The following RGS7 variants were observed in gnomAD, a reference collection of about 807,000 sequenced individuals.
RGS7 encodes regulator of G-protein signaling 7.
In RGS7, 27 loss-of-function variants were observed where a neutral mutation model predicts 81.1. That is an observed-to-expected ratio of 0.33 (90% CI 0.25 to 0.46). The LOEUF is 0.46. Among genes scored for constraint, RGS7 ranks in the 20% least tolerant of loss-of-function variants. The pLI is 1.00. For synonymous variants in RGS7, 208 were observed against 207.7 expected, an observed-to-expected ratio of 1.00 and a Z score of -0.01; for missense variants, 396 against 607.4, an observed-to-expected ratio of 0.65 and a Z score of 3.66.
intron 2 of RGS7, among the ~76,000 whole-genome samples, chr1:241,170,413 T>C (rs185276235): frequency 6.6e-6 from 1 of 152,342 alleles, no homozygotes; most frequent in East Asian, 1.9e-4. Context: ...GGTGCAATCA[T>C]GATTTAATGT....
intron 2 of RGS7, among the ~76,000 whole-genome samples, chr1:241,171,359 ATT>A (rs777967567): frequency 2.6e-5 from 4 of 152,196 alleles, no homozygotes; most frequent in Non-Finnish European, 4.4e-5. Flanking sequence ...TAAGGCAGAC[ATT>A]GTTTCCATTG....
At chr1:240,960,815 G>A (rs2502442) in intron 4 of RGS7, among the ~76,000 whole-genome samples, 152,101 of 152,290 alleles carry the variant, frequency 1, 75,956 homozygotes, top group Middle Eastern at 1. Flanking sequence ...TAAAAGCAAT[G>A]AAGCTTGAGA....
intron 2 of RGS7, among the ~76,000 whole-genome samples, chr1:241,175,102 C>A (rs952883807): frequency 6.6e-6 from 1 of 151,790 alleles, no homozygotes; most frequent in Non-Finnish European, 1.5e-5. Flanking sequence ...CAGGGTTTCA[C>A]TATGTTGGCC....
chr1:241,273,184 C>CT (rs71172695), intron 2 of RGS7, among the ~76,000 whole-genome samples: 2 of 144,176 alleles, frequency 1.4e-5, no homozygotes, highest in Non-Finnish European at 3.0e-5. Context: ...AACCCCCCCC[C>CT]CCAAAGGATA....
At chr1:240,836,593 A>C (rs549002995) in intron 9 of RGS7, among the ~76,000 whole-genome samples, 2 of 152,332 alleles carry the variant, frequency 1.3e-5, no homozygotes, top group African/African-American at 4.8e-5. Context: ...GAGGAATCCA[A>C]AATGATCCCT....
At chr1:241,299,731 G>A (rs1410110198) in intron 2 of RGS7, among the ~76,000 whole-genome samples, 2 of 151,660 alleles carry the variant, frequency 1.3e-5, no homozygotes, top group Admixed American at 1.3e-4. Flanking sequence ...GATTACATAT[G>A]AGCACGATGG....
At chr1:240,913,724 ATATT>A (rs1558457148) in intron 6 of RGS7, among the ~76,000 whole-genome samples, 1 of 152,076 alleles carries the variant, frequency 6.6e-6, no homozygotes, top group African/African-American at 2.4e-5. Flanking sequence ...GAATCAGTGG[ATATT>A]TTTAATGTTG....
chr1:240,793,611 A>ATATATATATATATTTTTTTTTTTT, intron 18 of RGS7, among the ~76,000 whole-genome samples: 3 of 78,812 alleles, frequency 3.8e-5, no homozygotes, highest in Admixed American at 1.5e-4. Flanking sequence ...ATATATATAT[A>ATATATATATATATTTTTTTTTTTT]TTTTTTTTTT....
chr1:241,321,156 G>A (rs1352189671), intron 2 of RGS7, among the ~76,000 whole-genome samples: 1 of 152,192 alleles, frequency 6.6e-6, no homozygotes, highest in Non-Finnish European at 1.5e-5. Flanking sequence ...TAGCTGGGGT[G>A]GGGCGAGTAG....
At chr1:241,294,235 A>G (rs1395671629) in intron 2 of RGS7, among the ~76,000 whole-genome samples, 1 of 152,122 alleles carries the variant, frequency 6.6e-6, no homozygotes, top group Non-Finnish European at 1.5e-5. Flanking sequence ...GTAGGAGTTG[A>G]ACAATGAGAA....
chr1:240,782,432 A>T (rs1684280194), intron 18 of RGS7, among the ~76,000 whole-genome samples: 1 of 152,064 alleles, frequency 6.6e-6, no homozygotes, highest in Admixed American at 6.6e-5. Flanking sequence ...ACTATTTTTT[A>T]AATTTTTCGA....
chr1:241,215,569 C>G (rs899001707), intron 2 of RGS7, among the ~76,000 whole-genome samples: 7 of 152,160 alleles, frequency 4.6e-5, no homozygotes, highest in Non-Finnish European at 1.0e-4. Flanking sequence ...TATTTCCTCC[C>G]CCAGTTTCCA....
intron 3 of RGS7, among the ~76,000 whole-genome samples, chr1:240,989,653 T>C (rs1333350591): frequency 2.0e-5 from 3 of 152,144 alleles, no homozygotes; most frequent in Non-Finnish European, 2.9e-5. Context: ...TGTTCGACTA[T>C]AGGCGTGTTC....
chr1:240,925,774 C>T (rs112987445), intron 6 of RGS7, among the ~76,000 whole-genome samples: 3,384 of 152,218 alleles, frequency 0.022, 106 homozygotes, highest in African/African-American at 0.076. Flanking sequence ...TTCTCCATAG[C>T]CTTGTCAGAA....
chr1:241,114,635 TA>T (rs890680327), intron 2 of RGS7, among the ~76,000 whole-genome samples: 3 of 152,236 alleles, frequency 2.0e-5, no homozygotes, highest in African/African-American at 7.2e-5. Flanking sequence ...TGAGGTCGAA[TA>T]AAATGCTGAT....
At position 240,791,703 on chromosome 1, in the gene RGS7, C is replaced by T. The variant is rs1315664909; in HGVS notation, c.*6+8938G>A. ...TGACTTGTTGATGACCCAGGGCTGTCTAGTAAGTGGCCTCACAACTAGAAA... is the reference window on the plus strand; with the variant it reads ...TGACTTGTTGATGACCCAGGGCTGTTTAGTAAGTGGCCTCACAACTAGAAA... On this transcript the variant is annotated intron_variant, in intron 18 of 18. Transcript: ENST00000440928. 2.6e-5 allele frequency among the ~76,000 whole-genome samples: 4 copies of T among 152,166 alleles called. No individual in the cohort carries two copies. In the East Asian group the frequency reaches 7.7e-4, roughly 29 times the overall value.
chr1:240,896,615 A>AG (rs1669132931), intron 6 of RGS7, among the ~76,000 whole-genome samples: 1 of 152,086 alleles, frequency 6.6e-6, no homozygotes, highest in African/African-American at 2.4e-5. Context: ...ATTATTTCTG[A>AG]GGGCTCCGTT....
chr1:241,306,418 C>T lies in RGS7; in HGVS notation c.78+49281G>A, dbSNP rs957504916. On this transcript the variant is annotated intron_variant, in intron 2 of 18. Coordinates refer to ENST00000440928, the MANE Select transcript of RGS7 (RefSeq NM_001364886.1). ...TTACACACACCCTCACATGCACACA[C>T]GTCCATACACCCTTTACACACACCC... is the stretch of plus-strand genomic sequence containing the variant. Among the ~76,000 whole-genome samples, 3 of 149,322 alleles carry T rather than the reference C, an allele frequency of 2.0e-5. No homozygotes were observed. The South Asian group carries it at 6.5e-4, about 32-fold the overall frequency.
intron 3 of RGS7, among the ~76,000 whole-genome samples, chr1:241,061,656 C>T (rs1023681294): frequency 4.6e-5 from 7 of 151,954 alleles, no homozygotes; most frequent in South Asian, 2.1e-4. Context: ...AGGGAACAGG[C>T]GAGGAGAAGG....
Sources: allele counts gnomAD v4.1 joint callset (sites outside exome capture counted in the v4.1 genomes callset), GRCh38; gene constraint gnomAD v4.1.1; transcripts MANE v1.5; gene names NCBI Gene and HGNC (gene_info 2026-07-23, HGNC 2026-07-21).